HSPG2: variants seen among roughly 807,000 people sequenced by gnomAD.
HSPG2 encodes the protein heparan sulfate proteoglycan 2.
HSPG2 carries 278 observed loss-of-function variants against 526.6 expected under a neutral mutation model. The ratio of observed to expected loss-of-function variants is 0.53; its 90% CI spans 0.48 to 0.58. The LOEUF is 0.58. Ranked by LOEUF, HSPG2 falls within the 20% of genes least tolerant of loss-of-function variation. The pLI is 0.00. For missense variants in HSPG2, 5,354 were observed against 6,099.5 expected (o/e 0.88, Z 4.07); for synonymous variants, 2,465 against 2,555.4 (o/e 0.96, Z 1.07).
chr1:21,832,586 GCCCATTGTACAGCAGCAT>G lies in HSPG2; in HGVS notation c.11098_11115del (p.Met3700_Gly3705del). 2.5e-6 allele frequency: 4 copies of G among 1,614,132 alleles called. No individual in the cohort carries two copies. Among genetic ancestry groups the G allele is most frequent in the Non-Finnish European group, 3.4e-6 (4 of 1,179,990 alleles). The stretch of plus-strand genomic sequence containing the variant: ...GTGGGGCTCCCTGGGACTCGCTTCT[GCCCATTGTACAGCAGCAT>G]CCCTGGGTGGGCACCACTGTGTAAG... On this transcript the variant is annotated inframe_deletion and splice_region_variant, in exon 81 of 97. Transcript: ENST00000374695.
Position 21,823,162 on chromosome 1 carries a change from G to T in HSPG2, c.*154C>A. 2 of 710,034 alleles carry T rather than the reference G, an allele frequency of 2.8e-6. No homozygotes were observed. The highest frequency in any genetic ancestry group is 4.3e-6 in the Non-Finnish European group (2 of 465,662). The allele number at this position is 710,034 out of a possible 1,614,324, so 44.0% of individuals were successfully genotyped here. On this transcript the variant is annotated 3_prime_UTR_variant, in exon 97 of 97. Transcript: ENST00000374695. ...TTTGCCCAGCTGTGTGTGTGAGGGT[G>T]GCATGCCCACCTCCAGTCCAGCCCA...
chr1:21,887,784 C>A lies in HSPG2; in HGVS notation c.704-110G>T, dbSNP rs1202479644. On this transcript the variant is annotated intron_variant, in intron 7 of 96. Coordinates refer to ENST00000374695, the MANE Select transcript of HSPG2 (RefSeq NM_005529.7). This position sits in a 1 kb window ranked among gnomAD's most constrained non-coding sequence, Gnocchi z 5.0. Reference sequence around the variant, plus strand: ...TGTACTCCCCAACACCACTCCCTGCCACCCCCTGCCTGGCTCTGTCATCAC... The same window carrying A: ...TGTACTCCCCAACACCACTCCCTGCAACCCCCTGCCTGGCTCTGTCATCAC... The A allele has an allele frequency of 2.6e-6, 4 of 1,559,720 alleles. No individual in the cohort carries two copies. In the East Asian group the frequency reaches 9.0e-5, roughly 35 times the overall value.
At chr1:21,867,565 T>C (rs991821395) in intron 33 of HSPG2, among the ~76,000 whole-genome samples, 4 of 152,134 alleles carry the variant, frequency 2.6e-5, no homozygotes, top group African/African-American at 9.7e-5. Flanking sequence ...TTAAGTAATA[T>C]AGGACACAAA....
Position 21,831,344 on chromosome 1 carries a change from G to A in HSPG2, c.11453-20C>T. ...CACAGCCTGGGAGGTGAGTGGGCAG[G>A]ATGAGCACAGGGCAGGGTGTCCCAG... On this transcript the variant is annotated intron_variant, in intron 83 of 96. Transcript: ENST00000374695. 6.2e-7 allele frequency: 1 copy of A among 1,610,904 alleles called. No individual in the cohort carries two copies. Among genetic ancestry groups the A allele is most frequent in the African/African-American group, 1.3e-5 (1 of 74,988 alleles).
intron 65 of HSPG2, among the ~76,000 whole-genome samples, chr1:21,843,716 G>A (rs745464201): frequency 1.3e-4 from 19 of 151,890 alleles, no homozygotes; most frequent in Non-Finnish European, 2.5e-4. Context: ...GTGCAATCTC[G>A]GCTCACCGCA....
chr1:21,872,947 C>G lies in HSPG2; in HGVS notation c.3888+50G>C. On this transcript the variant is annotated intron_variant, in intron 31 of 96. Coordinates refer to ENST00000374695, the MANE Select transcript of HSPG2 (RefSeq NM_005529.7). The surrounding 1 kb of genome is among the most constrained non-coding windows in gnomAD (Gnocchi z 5.5). ...ATGCTGCCTGATTTCCCCGCAGGGT[C>G]TGGGCAGCGGGGCAGAGCAGGCCCC... 3 of 1,578,376 alleles carry G rather than the reference C, an allele frequency of 1.9e-6. No individual in the cohort carries two copies. The highest frequency in any genetic ancestry group is 2.6e-6 in the Non-Finnish European group (3 of 1,148,388).
chr1:21,890,333 T>C lies in HSPG2; in HGVS notation c.413+94A>G. On this transcript the variant is annotated intron_variant, in intron 5 of 96. Transcript: ENST00000374695. This position sits in a 1 kb window ranked among gnomAD's most constrained non-coding sequence, Gnocchi z 4.1. ...CCCACAGCGACTCATCCCATAGGCC[T>C]TTCCGCGGTGCCAGGCTTCCTTCCC... 1.5e-6 allele frequency: 2 copies of C among 1,377,036 alleles called. No homozygotes were observed. The highest frequency in any genetic ancestry group is 1.0e-6 in the Non-Finnish European group (1 of 966,696). The allele number at this position is 1,377,036 out of a possible 1,614,324, so 85.3% of individuals were successfully genotyped here.
rs1176189566 is a variant in HSPG2 at position 21,887,099 on chromosome 1, T to C, written c.1078+116A>G. On this transcript the variant is annotated intron_variant, in intron 9 of 96. Coordinates refer to ENST00000374695, the MANE Select transcript of HSPG2 (RefSeq NM_005529.7). The surrounding 1 kb of genome is among the most constrained non-coding windows in gnomAD (Gnocchi z 5.0). ...GAGCAAACAAACAGGCTTGGGGGAC[T>C]GGGGAGGGGGGAAAGCGGAGGGGCA... 1.1e-6 allele frequency: 1 copy of C among 913,798 alleles called. No individual in the cohort carries two copies. The highest frequency in any genetic ancestry group is 1.5e-6 in the Non-Finnish European group (1 of 663,880). 56.6% of individuals were successfully genotyped at this position (913,798 alleles called of 1,614,324 possible).
At chr1:21,917,885 G>A (rs939534150) in intron 1 of HSPG2, among the ~76,000 whole-genome samples, 1 of 151,914 alleles carries the variant, frequency 6.6e-6, no homozygotes, top group Admixed American at 6.6e-5. Context: ...ATAATCACTT[G>A]AGTTACTGTC....
At chr1:21,842,676 A>G (rs749432972) in intron 67 of HSPG2, 94 bp downstream of exon 67, 11 of 1,538,180 alleles carry the variant, frequency 7.2e-6, no homozygotes, top group South Asian at 3.4e-5. Context: ...GGGGTCCCCA[A>G]GCAGGCTGGT....
chr1:21,888,588 G>T, intron 6 of HSPG2: 1 of 1,074,586 alleles, frequency 9.3e-7, no homozygotes, highest in Non-Finnish European at 1.3e-6. Flanking sequence ...TTACAGGCGT[G>T]AGCCCCTGCA....
rs1342213343 is a variant in HSPG2 at position 21,848,879 on chromosome 1, C to G, written c.7585+14G>C. The G allele has an allele frequency of 1.2e-6, 2 of 1,611,270 alleles. No individual in the cohort carries two copies. Among genetic ancestry groups the G allele is most frequent in the African/African-American group, 1.3e-5 (1 of 74,278 alleles). ...CCAGCCCTCCACCATTTGCATGACC[C>G]CCGAGACACTCACAGTGGGAGCCAC... On this transcript the variant is annotated intron_variant, in intron 58 of 96. Coordinates refer to ENST00000374695, the MANE Select transcript of HSPG2 (RefSeq NM_005529.7). This position sits in a 1 kb window ranked among gnomAD's most constrained non-coding sequence, Gnocchi z 4.9.
intron 57 of HSPG2, among the ~76,000 whole-genome samples, 198 bp from the exon 58 acceptor site, chr1:21,849,229 G>A (rs1365132035): frequency 6.6e-6 from 1 of 152,252 alleles, no homozygotes; most frequent in Non-Finnish European, 1.5e-5. Context: ...CCTCACCCAT[G>A]CCAGGGACGA....
At chr1:21,920,150 G>A (rs1021769732) in intron 1 of HSPG2, among the ~76,000 whole-genome samples, 4 of 152,162 alleles carry the variant, frequency 2.6e-5, no homozygotes, top group South Asian at 2.1e-4. Context: ...CGAGTGATCC[G>A]CCAGCCTTGG....
At position 21,852,139 on chromosome 1, in the gene HSPG2, G is replaced by C; in HGVS notation, c.6819C>G (p.His2273Gln). The change falls in exon 53 of 97, where the codon CAC (histidine) becomes CAG (glutamine). Residue 2273 changes from histidine to glutamine, a missense_variant. His to Gln is a conservative substitution (Grantham distance 24, BLOSUM62 0). Coordinates refer to ENST00000374695, the MANE Select transcript of HSPG2 (RefSeq NM_005529.7). ...DLSCVVAGQA[H>Q]AQVTWYKRGG... ...CACGCTTGTACCATGTGACCTGGGC[G>C]TGGGCCTGCCCTGCCACCACGCAGC... The C allele has an allele frequency of 1.9e-6, 3 of 1,613,618 alleles. No individual in the cohort carries two copies. The highest frequency in any genetic ancestry group is 1.7e-6 in the Non-Finnish European group (2 of 1,179,936).
At position 21,863,304 on chromosome 1, in the gene HSPG2, T is replaced by C. The variant is rs1255467763; in HGVS notation, c.4740+796A>G. Among the ~76,000 whole-genome samples, 367 of 123,076 alleles carry C rather than the reference T, an allele frequency of 3.0e-3. No homozygotes were observed. The Middle Eastern group carries it at 0.066, about 22-fold the overall frequency. 80.7% of individuals were successfully genotyped at this position (123,076 alleles called of 152,430 possible). A position where few individuals can be genotyped will look rare whatever the true frequency, so the allele number is the denominator to read the frequency against. ...AGGAGAATGGCGTGAACCCAGGAGG[T>C]GGAGCTTGCAGTGAGCCCAGATGGC... On this transcript the variant is annotated intron_variant, in intron 37 of 96. Coordinates refer to ENST00000374695, the MANE Select transcript of HSPG2 (RefSeq NM_005529.7).
rs142548909 is a variant in HSPG2 at position 21,929,208 on chromosome 1, G to A, written c.63+7947C>T. 4.6e-3 allele frequency among the ~76,000 whole-genome samples: 704 copies of A among 152,300 alleles called. 4 individuals carry two copies. The highest frequency in any genetic ancestry group is 0.016 in the African/African-American group (670 of 41,556). On this transcript the variant is annotated intron_variant, in intron 1 of 96. Transcript: ENST00000374695. ...ACAAGCCATGAGCTCCGGCTGTGGA[G>A]TTCTAAGGCAGAGTCTGCAACTCCA...
At chr1:21,841,965 C>G in intron 69 of HSPG2, 37 bp downstream of exon 69, 1 of 1,610,872 alleles carries the variant, frequency 6.2e-7, no homozygotes, top group Non-Finnish European at 8.5e-7. Flanking sequence ...CCCATGCCTG[C>G]CCCCAGCTTG....
chr1:21,924,096 G>T (rs1041812680), intron 1 of HSPG2, among the ~76,000 whole-genome samples: 1 of 152,198 alleles, frequency 6.6e-6, no homozygotes, highest in Non-Finnish European at 1.5e-5. Context: ...CAGGCTTCAA[G>T]GTCTAGGGCA....
Sources: allele counts gnomAD v4.1 joint callset (sites outside exome capture counted in the v4.1 genomes callset), GRCh38; gene constraint gnomAD v4.1.1; non-coding constraint Gnocchi (gnomAD v3.1); transcripts MANE v1.5; gene names NCBI Gene and HGNC (gene_info 2026-07-23, HGNC 2026-07-21).